The following OTUD4 variants were observed in gnomAD, a reference collection of about 807,000 sequenced individuals.
OTUD4 encodes OTU domain-containing protein 4.
In OTUD4, 24 loss-of-function variants were observed where a neutral mutation model predicts 130.4. That is an observed-to-expected ratio of 0.18 (90% confidence interval 0.13 to 0.26). OTUD4 has a LOEUF of 0.26. Ranked by LOEUF, OTUD4 falls within the 10% of genes least tolerant of loss-of-function variation. OTUD4 has a pLI of 1.00. For missense variants in OTUD4, 1,031 were observed against 1,329.4 expected, an observed-to-expected ratio of 0.78 and a Z score of 3.49; for synonymous variants, 420 against 472.5, an observed-to-expected ratio of 0.89 and a Z score of 1.44.
chr4:145,168,419 A>AG (rs1202787234), intron 3 of OTUD4, among the ~76,000 whole-genome samples: 8 of 149,578 alleles, frequency 5.3e-5, no homozygotes, highest in Admixed American at 5.3e-4. Context: ...AAATTAAAAA[A>AG]AAAAAAAAAG....
intron 3 of OTUD4, among the ~76,000 whole-genome samples, chr4:145,165,959 C>T (rs949564987): frequency 1.9e-4 from 29 of 151,858 alleles, no homozygotes; most frequent in African/African-American, 5.6e-4. Context: ...GTCGGGAGTT[C>T]GAGACCAGTC....
intron 7 of OTUD4, among the ~76,000 whole-genome samples, chr4:145,157,573 A>G (rs1751353942): frequency 6.6e-6 from 1 of 151,160 alleles, no homozygotes; most frequent in African/African-American, 2.4e-5. Flanking sequence ...AATCCTAGCT[A>G]CTCGGGAGGC....
At chr4:145,173,411 T>A (rs1411454393) in intron 2 of OTUD4, among the ~76,000 whole-genome samples, 1 of 151,868 alleles carries the variant, frequency 6.6e-6, no homozygotes, top group Non-Finnish European at 1.5e-5. Context: ...AAAAATTATA[T>A]GGACTAAAAA....
chr4:145,156,288 G>T (rs1324936557), intron 7 of OTUD4, among the ~76,000 whole-genome samples: 2 of 152,142 alleles, frequency 1.3e-5, no homozygotes, highest in South Asian at 4.1e-4. Context: ...ACAAAAGAAT[G>T]TAAAAACTTC....
intron 16 of OTUD4, 123 bp from the exon 17 acceptor site, chr4:145,143,568 T>G: frequency 1.6e-6 from 1 of 622,052 alleles, no homozygotes; most frequent in Non-Finnish European, 2.8e-6. Context: ...ACTGAGTATT[T>G]TTTCCAATTA....
Position 145,137,293 on chromosome 4 carries a change from G to T in OTUD4, c.*137C>A. ...ACTCATGTCCAAAATGTCTTGTCCA[G>T]TATGGGAGTGAAGGTAAGGGGGGCT... On this transcript the variant is annotated 3_prime_UTR_variant, in exon 21 of 21. Transcript: ENST00000447906. The T allele has an allele frequency of 1.4e-6, 1 of 699,060 alleles. No homozygotes were observed. Among genetic ancestry groups the T allele is most frequent in the Non-Finnish European group, 2.4e-6 (1 of 410,894 alleles). The allele number at this position is 699,060 out of a possible 1,614,324, so 43.3% of individuals were successfully genotyped here.
At chr4:145,168,151 A>G (rs1751970768) in intron 3 of OTUD4, among the ~76,000 whole-genome samples, 1 of 152,144 alleles carries the variant, frequency 6.6e-6, no homozygotes, top group African/African-American at 2.4e-5. Context: ...TGTTTTAACT[A>G]ATTAACCATA....
At chr4:145,160,454 T>C (rs1751501084) in intron 6 of OTUD4, among the ~76,000 whole-genome samples, 1 of 152,194 alleles carries the variant, frequency 6.6e-6, no homozygotes, top group African/African-American at 2.4e-5. Flanking sequence ...CAAAAATACA[T>C]GGATTTTAGG....
At position 145,133,861 on chromosome 4, in the gene OTUD4, CT is replaced by C. The variant is rs1464165028; in HGVS notation, c.*3568del. On this transcript the variant is annotated 3_prime_UTR_variant, in exon 21 of 21. Transcript: ENST00000447906. The stretch of plus-strand genomic sequence containing the variant: ...ATAAAGTACTAGTTTCCTTTTAACA[CT>C]TCAAAAGATATGTATATATACTTTT... 6.6e-6 allele frequency: 1 copy of C among 152,604 alleles called. No individual in the cohort carries two copies. Among genetic ancestry groups the C allele is most frequent in the Non-Finnish European group, 1.5e-5 (1 of 68,038 alleles). 9.5% of individuals were successfully genotyped at this position (152,604 alleles called of 1,614,324 possible).
intron 1 of OTUD4, among the ~76,000 whole-genome samples, 183 bp from the exon 2 acceptor site, chr4:145,174,927 A>G (rs1752347944): frequency 6.6e-6 from 1 of 152,352 alleles, no homozygotes; most frequent in African/African-American, 2.4e-5. Flanking sequence ...CACAGCGAAG[A>G]CATGACATAT....
Position 145,144,417 on chromosome 4 carries a change from C to A in OTUD4, c.1440G>T (p.Gln480His), listed in dbSNP as rs1468808226. The A allele has an allele frequency of 1.2e-6, 2 of 1,611,196 alleles. No homozygotes were observed. Among genetic ancestry groups the A allele is most frequent in the Non-Finnish European group, 8.5e-7 (1 of 1,178,766 alleles). ...FPALSSSSVN[Q>H]SASQSSNPCV... The stretch of plus-strand genomic sequence containing the variant: ...ATGGATTGCTACTCTGAGAAGCTGA[C>A]TGATTGACTGATGAGCTCTTTAAAA... The change falls in exon 15 of 21, where the codon CAG (glutamine) becomes CAT (histidine). Residue 480 changes from glutamine to histidine, a missense_variant. Gln to His is a conservative substitution (Grantham distance 24). Coordinates refer to ENST00000447906, the MANE Select transcript of OTUD4 (RefSeq NM_001366057.1).
chr4:145,146,354 T>G lies in OTUD4; in HGVS notation c.1335A>C (p.Glu445Asp). ...RESNYFGLSPEERREKQAIEE... is the reference protein window; with the variant it reads ...RESNYFGLSPDERREKQAIEE... ...CTATAGCTTGCTTCTCTCTGCGCTC[T>G]TCTGGGGAAAGGCCGAAATAGTTAG... The change falls in exon 14 of 21, where the codon GAA becomes GAC. Residue 445 changes from glutamate (E) to aspartate (D), a missense_variant. Transcript: ENST00000447906. The G allele has an allele frequency of 3.1e-6, 5 of 1,596,238 alleles. No homozygotes were observed. The highest frequency in any genetic ancestry group is 4.3e-6 in the Non-Finnish European group (5 of 1,173,438).
At chr4:145,143,730 C>G (rs1560979403) in intron 16 of OTUD4, among the ~76,000 whole-genome samples, 1 of 152,148 alleles carries the variant, frequency 6.6e-6, no homozygotes, top group African/African-American at 2.4e-5. Context: ...AGGCTACTTT[C>G]TAACAATTCA....
At chr4:145,149,084 AG>A (rs1368029933) in intron 13 of OTUD4, among the ~76,000 whole-genome samples, 4 of 152,214 alleles carry the variant, frequency 2.6e-5, no homozygotes, top group Non-Finnish European at 5.9e-5. Flanking sequence ...ATTTAGAAAT[AG>A]GGTCTTCTCA....
At position 145,138,609 on chromosome 4, in the gene OTUD4, G is replaced by A. The variant is rs754082595; in HGVS notation, c.2166C>T (p.Tyr722=). 8 of 1,613,500 alleles carry A rather than the reference G, an allele frequency of 5.0e-6. No individual in the cohort carries two copies. In the Admixed American group the frequency reaches 6.7e-5, roughly 13 times the overall value. ...CTGCCAGGTAGGCCTGGTGCAGAGG[G>A]TACAGGTAAGAATGTGGGGCCCACA... ...CPMWAPHSYL[Y]PLHQAYLAAC... The change falls in exon 21 of 21, where the codon TAC becomes TAT. Residue 722 remains tyrosine, a synonymous_variant. Transcript: ENST00000447906.
chr4:145,155,282 T>C (rs1371187979), intron 10 of OTUD4, 129 bp downstream of exon 10: 26 of 725,850 alleles, frequency 3.6e-5, no homozygotes, highest in Non-Finnish European at 5.4e-5. Context: ...TTAAAATGTA[T>C]ATACATGATA....
rs367557095 is a variant in OTUD4 at position 145,137,976 on chromosome 4, G to A, written c.2799C>T (p.Asp933=). The stretch of plus-strand genomic sequence containing the variant: ...GGGAAGATTGCTCTGTCCGGCCTTC[G>A]TCCGGCTTACTGCTCACACTTGCTT... The part of the protein sequence containing the change: ...LPEASVSSKP[D]EGRTEQSSQT... Residue 933 remains aspartate, a synonymous_variant, in exon 21 of 21, where the codon GAC becomes GAT. Transcript: ENST00000447906. 2.2e-4 allele frequency: 352 copies of A among 1,614,010 alleles called. 1 individual carries two copies. Among genetic ancestry groups the A allele is most frequent in the Non-Finnish European group, 2.9e-4 (337 of 1,180,042 alleles).
In OTUD4 at chr4:145,162,291, C is replaced by T. The variant is rs563228416; in HGVS notation, c.496+349G>A. ...GTATAAGGCCGGGCACGGTAGCTCA[C>T]GCCTGTAATCCCAGCACTTTGGGAG... On this transcript the variant is annotated intron_variant, in intron 6 of 20. Transcript: ENST00000447906. 5.9e-5 allele frequency among the ~76,000 whole-genome samples: 9 copies of T among 152,324 alleles called. No homozygotes were observed. In the South Asian group the frequency reaches 1.9e-3, roughly 32 times the overall value.
intron 1 of OTUD4, among the ~76,000 whole-genome samples, chr4:145,179,062 T>G (rs1411259534): frequency 2.0e-5 from 3 of 151,768 alleles, no homozygotes; most frequent in Non-Finnish European, 2.9e-5. Context: ...TGGAATAAGC[T>G]CGCTCAAAAA....
Sources: gnomAD v4.1 joint callset for allele counts (sites outside exome capture counted in the v4.1 genomes callset) on GRCh38, gnomAD v4.1.1 for gene constraint, MANE v1.5 for transcripts, NCBI Gene and HGNC (gene_info 2026-07-23, HGNC 2026-07-21) for gene names.